Variants in LPP observed in about 807,000 individuals in gnomAD.
LPP encodes lipoma-preferred partner.
LPP carries 38 observed loss-of-function variants against 60.4 expected under a neutral mutation model. The observed-to-expected ratio is 0.63, with a 90% CI of 0.49 to 0.83. The LOEUF (loss-of-function observed/expected upper bound fraction) is 0.83, where lower values mean the gene tolerates loss of function less well. Ranked by LOEUF, LPP falls within the 40% of genes least tolerant of loss-of-function variation. The probability of loss-of-function intolerance (pLI) is 0.00; values close to 1 mark genes in which losing one functional copy is unlikely to be tolerated. For missense variants in LPP, 902 were observed against 783.6 expected (o/e 1.15, Z -1.80); for synonymous variants, 328 against 290.8 (o/e 1.13, Z -1.30).
chr3:188,388,642 G>A (rs1249140548), intron 3 of LPP, among the ~76,000 whole-genome samples: 1 of 152,170 alleles, frequency 6.6e-6, no homozygotes, highest in Non-Finnish European at 1.5e-5. Flanking sequence ...ATTGGTCAGC[G>A]TTAATGAAAA....
intron 5 of LPP, among the ~76,000 whole-genome samples, chr3:188,495,446 C>T (rs1005182950): frequency 6.6e-6 from 1 of 151,706 alleles, no homozygotes; most frequent in Admixed American, 6.6e-5. Context: ...TTGTTTAGAT[C>T]TCATAATTGT....
intron 2 of LPP, among the ~76,000 whole-genome samples, chr3:188,251,079 TTCTCTCTCTCTTTC>T (rs200280307): frequency 0.051 from 6,906 of 134,894 alleles, 410 homozygotes; most frequent in African/African-American, 0.13. Context: ...TTTTCTTTCT[TTCTCTCTCTCTTTC>T]TCTCTCTCTC....
intron 3 of LPP, among the ~76,000 whole-genome samples, chr3:188,369,308 A>C (rs955669529): frequency 1.3e-5 from 2 of 151,686 alleles, no homozygotes; most frequent in Admixed American, 6.6e-5. Flanking sequence ...TTTTTTTTTA[A>C]ATTCTCCATT....
At chr3:188,544,538 T>C (rs1273121600) in intron 6 of LPP, among the ~76,000 whole-genome samples, 1 of 148,376 alleles carries the variant, frequency 6.7e-6, no homozygotes, top group Non-Finnish European at 1.5e-5. Context: ...GAAATGCAAA[T>C]CAAAACCACT....
At chr3:188,180,235 C>G (rs1724533022) in intron 1 of LPP, 1 of 154,614 alleles carries the variant, frequency 6.5e-6, no homozygotes, top group African/African-American at 2.4e-5. Flanking sequence ...TCACTGCCTC[C>G]CGTAGCCTGT....
chr3:188,693,911 T>C (rs1384522846), intron 7 of LPP, among the ~76,000 whole-genome samples: 1 of 152,198 alleles, frequency 6.6e-6, no homozygotes, highest in African/African-American at 2.4e-5. Context: ...TAGACCTTCC[T>C]TCCTGATGTG....
At chr3:188,811,164 A>G (rs1259791159) in intron 9 of LPP, among the ~76,000 whole-genome samples, 1 of 152,146 alleles carries the variant, frequency 6.6e-6, no homozygotes, top group East Asian at 1.9e-4. Context: ...TAACTCATAG[A>G]AAAGTGTACC....
intron 1 of LPP, among the ~76,000 whole-genome samples, chr3:188,208,858 T>G (rs1330110116): frequency 6.6e-6 from 1 of 152,024 alleles, no homozygotes; most frequent in Admixed American, 6.6e-5. Flanking sequence ...AGAGACTTAA[T>G]GTTTCTTTGT....
chr3:188,368,711 CACACACACAGAGAG>C (rs1340554993), intron 3 of LPP, among the ~76,000 whole-genome samples: 2 of 120,090 alleles, frequency 1.7e-5, no homozygotes, highest in African/African-American at 3.0e-5. Context: ...CACACACACA[CACACACACAGAGAG>C]AGAGAGAGAG....
At chr3:188,400,271 A>G (rs188624388) in intron 3 of LPP, among the ~76,000 whole-genome samples, 3 of 152,322 alleles carry the variant, frequency 2.0e-5, no homozygotes, top group Non-Finnish European at 2.9e-5. Flanking sequence ...GGTAGTACAG[A>G]GTGAAGACCG....
chr3:188,524,736 C>A lies in LPP; in HGVS notation c.378C>A (p.Ser126Arg), dbSNP rs1361337947. The part of the protein sequence containing the change: ...SLDAEIDSLT[S>R]ILADLECSSP... ...ACGCTGAGATTGACTCCTTGACCAG[C>A]ATCTTGGCTGACCTTGAGTGCAGCT... Residue 126 changes from serine to arginine, a missense_variant, in exon 6 of 12, where the codon AGC becomes AGA. Physicochemically the swap from Ser to Arg is moderately radical, Grantham distance 110. Transcript: ENST00000617246. 16 of 1,614,046 alleles carry A rather than the reference C, an allele frequency of 9.9e-6. No individual in the cohort carries two copies. The highest frequency in any genetic ancestry group is 1.4e-5 in the Non-Finnish European group (16 of 1,180,006).
intron 8 of LPP, among the ~76,000 whole-genome samples, chr3:188,732,362 T>TA (rs1720922108): frequency 6.6e-6 from 1 of 152,196 alleles, no homozygotes; most frequent in Non-Finnish European, 1.5e-5. Flanking sequence ...AGGGTGCACT[T>TA]ACATTTACAT....
intron 4 of LPP, among the ~76,000 whole-genome samples, chr3:188,478,824 C>T (rs577495602): frequency 4.6e-5 from 7 of 152,190 alleles, no homozygotes; most frequent in African/African-American, 1.7e-4. Flanking sequence ...GGCTCCATCT[C>T]GGCTCACTGC....
chr3:188,629,729 AT>A (rs758239957), intron 7 of LPP, among the ~76,000 whole-genome samples: 13 of 152,238 alleles, frequency 8.5e-5, no homozygotes, highest in South Asian at 2.1e-4. Context: ...GAAAAAAAAA[AT>A]ATTGTAAAAT....
At chr3:188,231,501 G>T (rs562794480) in intron 2 of LPP, among the ~76,000 whole-genome samples, 1 of 152,258 alleles carries the variant, frequency 6.6e-6, no homozygotes, top group South Asian at 2.1e-4. Flanking sequence ...AATTCATGCC[G>T]TGTTCCCTTA....
rs1287778422 is a variant in LPP at position 188,609,424 on chromosome 3, C to T, written c.693C>T (p.Ser231=). 3 of 1,614,140 alleles carry T rather than the reference C, an allele frequency of 1.9e-6. No homozygotes were observed. The highest frequency in any genetic ancestry group is 2.5e-6 in the Non-Finnish European group (3 of 1,180,024). Reference sequence around the variant, plus strand: ...TGCAGGTGAAGTCAGCCCAGCCCAGCCCTCATTATATGGCTGCCCCTTCAT... The same window carrying T: ...TGCAGGTGAAGTCAGCCCAGCCCAGTCCTCATTATATGGCTGCCCCTTCAT... ...FNVQVKSAQP[S]PHYMAAPSSG... is the part of the protein sequence containing the mutation. The change falls in exon 7 of 12, where the codon AGC becomes AGT. Residue 231 remains serine, a synonymous_variant. Coordinates refer to ENST00000617246, the MANE Select transcript of LPP (RefSeq NM_001375462.1). The surrounding 1 kb of genome is among the most constrained non-coding windows in gnomAD (Gnocchi z 6.9).
intron 4 of LPP, among the ~76,000 whole-genome samples, chr3:188,436,901 A>T (rs1256281301): frequency 3.3e-5 from 5 of 151,962 alleles, no homozygotes; most frequent in Admixed American, 1.3e-4. Flanking sequence ...GCTTTAATGG[A>T]GACAGGCGAC....
In LPP at chr3:188,344,553, C is replaced by T. The variant is rs891140331; in HGVS notation, c.-10+2834C>T. On this transcript the variant is annotated intron_variant, in intron 3 of 11. Coordinates refer to ENST00000617246, the MANE Select transcript of LPP (RefSeq NM_001375462.1). The stretch of plus-strand genomic sequence containing the variant: ...GACCAGTTGATCATGGCATTACTTC[C>T]GGTTAAATGTTCTCTTATATATGAT... Among the ~76,000 whole-genome samples the T allele has an allele frequency of 3.9e-5, 6 of 152,080 alleles. No individual in the cohort carries two copies. In the East Asian group the frequency reaches 5.8e-4, roughly 15 times the overall value.
chr3:188,807,319 T>C (rs1749460139), intron 9 of LPP, among the ~76,000 whole-genome samples: 1 of 151,996 alleles, frequency 6.6e-6, no homozygotes. Context: ...GTTTTTAGTT[T>C]TAGTTTTCTG....
Sources: gnomAD v4.1 joint callset for allele counts (sites outside exome capture counted in the v4.1 genomes callset) on GRCh38, gnomAD v4.1.1 for gene constraint, Gnocchi (gnomAD v3.1) non-coding constraint, MANE v1.5 for transcripts, NCBI Gene and HGNC (gene_info 2026-07-23, HGNC 2026-07-21) for gene names.